The following PCDHGA11 variants were observed in gnomAD, a reference collection of about 807,000 sequenced individuals.
PCDHGA11 encodes the protein protocadherin gamma subfamily A, 11.
PCDHGA11 carries 39 observed loss-of-function variants against 60.4 expected under a neutral mutation model. The observed-to-expected ratio is 0.65, with a 90% confidence interval of 0.50 to 0.84. The LOEUF is 0.84. PCDHGA11 is among the 40% of genes least tolerant of loss of function. The probability of loss-of-function intolerance (pLI) is 0.00; values close to 1 mark genes in which losing one functional copy is unlikely to be tolerated. For synonymous variants in PCDHGA11, 533 were observed against 510.3 expected (o/e 1.04, Z -0.60); for missense variants, 1,165 against 1,197.7 (o/e 0.97, Z 0.40).
chr5:141,488,606 C>T (rs781116401), intron 1 of PCDHGA11, among the ~76,000 whole-genome samples: 2 of 152,156 alleles, frequency 1.3e-5, no homozygotes, highest in Admixed American at 1.3e-4. Flanking sequence ...TTACAAGGTT[C>T]TTACTAATCT....
chr5:141,489,314 G>T lies in PCDHGA11; in HGVS notation c.2434-5493G>T. ...TGCATGTTGTCCTTGTGCTGCTGGG[G>T]CTGGGTGTCTGGGCAGCTTCGTTAC... On this transcript the variant is annotated intron_variant, in intron 1 of 3. Transcript: ENST00000398587. This position sits in a 1 kb window ranked among gnomAD's most constrained non-coding sequence, Gnocchi z 4.5. 6.3e-7 allele frequency: 1 copy of T among 1,596,908 alleles called. No individual in the cohort carries two copies. The highest frequency in any genetic ancestry group is 8.5e-7 in the Non-Finnish European group (1 of 1,170,694).
chr5:141,431,973 TC>T lies in PCDHGA11; in HGVS notation c.2433+8314del, dbSNP rs770294598. 13 of 1,614,100 alleles carry T rather than the reference TC, an allele frequency of 8.1e-6. No individual in the cohort carries two copies. The highest frequency in any genetic ancestry group is 1.0e-5 in the Non-Finnish European group (12 of 1,180,038). On this transcript the variant is annotated intron_variant, in intron 1 of 3. Transcript: ENST00000398587. This position sits in a 1 kb window ranked among gnomAD's most constrained non-coding sequence, Gnocchi z 4.8. ...TCTTACGGAAATTACTATAGTTTAG[TC>T]ACAGACATAGTCTTGGATAGGGAAC...
At chr5:141,438,957 C>T (rs1292059651) in intron 1 of PCDHGA11, among the ~76,000 whole-genome samples, 1 of 152,026 alleles carries the variant, frequency 6.6e-6, no homozygotes, top group Non-Finnish European at 1.5e-5. Context: ...TGAGCCACCG[C>T]ACCCTGCCAA....
intron 1 of PCDHGA11, among the ~76,000 whole-genome samples, chr5:141,481,193 A>G (rs749746998): frequency 1.3e-5 from 2 of 152,216 alleles, no homozygotes; most frequent in Admixed American, 6.5e-5. Context: ...GCCAGGCCCA[A>G]TTTTTTTAAA....
At chr5:141,483,187 GTTT>G (rs899657161) in intron 1 of PCDHGA11, among the ~76,000 whole-genome samples, 2 of 152,172 alleles carry the variant, frequency 1.3e-5, no homozygotes, top group African/African-American at 4.8e-5. Flanking sequence ...AAGCCAAGGA[GTTT>G]TTATTTTATT....
At chr5:141,480,781 G>A (rs2099525581) in intron 1 of PCDHGA11, among the ~76,000 whole-genome samples, 1 of 152,174 alleles carries the variant, frequency 6.6e-6, no homozygotes, top group Admixed American at 6.5e-5. Flanking sequence ...CTAATGTGCA[G>A]ACAAATTTGA....
At position 141,431,495 on chromosome 5, in the gene PCDHGA11, G is replaced by A. The variant is rs557611439; in HGVS notation, c.2433+7835G>A. The A allele has an allele frequency of 4.3e-6, 7 of 1,613,864 alleles. No homozygotes were observed. The highest frequency in any genetic ancestry group is 1.1e-5 in the South Asian group (1 of 91,092). On this transcript the variant is annotated intron_variant, in intron 1 of 3. Coordinates refer to ENST00000398587, the MANE Select transcript of PCDHGA11 (RefSeq NM_018914.3). This position sits in a 1 kb window ranked among gnomAD's most constrained non-coding sequence, Gnocchi z 4.8. ...CAACGCACCAGCGTTTGCTCAGCCC[G>A]AGTACCGCGCGAGCGTTCCGGAGAA...
rs200900873 is a variant in PCDHGA11 at position 141,510,902 on chromosome 5, G to A, written c.2582-45G>A. On this transcript the variant is annotated intron_variant, in intron 3 of 3. Transcript: ENST00000398587. ...GGGGATATAAGACAGTGACTGTTGAGGACCCTAAGTTTAGCTCCCACCTGA... is the reference window on the plus strand; with the variant it reads ...GGGGATATAAGACAGTGACTGTTGAAGACCCTAAGTTTAGCTCCCACCTGA... The A allele has an allele frequency of 1.5e-3, 2,449 of 1,613,462 alleles. 7 individuals carry two copies. The highest frequency in any genetic ancestry group is 1.9e-3 in the Non-Finnish European group (2,206 of 1,179,758).
intron 1 of PCDHGA11, chr5:141,478,910 A>C (rs568573298): frequency 1.1e-6 from 1 of 893,688 alleles, no homozygotes; most frequent in Non-Finnish European, 1.6e-6. Context: ...AAGCTGCTGG[A>C]TACCTCTAAC....
Position 141,422,005 on chromosome 5 carries a change from A to T in PCDHGA11, c.778A>T (p.Thr260Ser). 1 of 1,609,814 alleles carries T rather than the reference A, an allele frequency of 6.2e-7. No individual in the cohort carries two copies. Among genetic ancestry groups the T allele is most frequent in the East Asian group, 2.2e-5 (1 of 44,846 alleles). The change falls in exon 1 of 4, where the codon ACT (threonine) becomes TCT (serine). Residue 260 changes from threonine (T) to serine (S), a missense_variant. By Grantham distance (58) the Thr-to-Ser change is moderately conservative. Coordinates refer to ENST00000398587, the MANE Select transcript of PCDHGA11 (RefSeq NM_018914.3). Reference protein sequence around the residue: ...VSVPENISSGTRVLMVNATDP... With the variant: ...VSVPENISSGSRVLMVNATDP... ...TGTTCCAGAAAACATCAGCTCCGGA[A>T]CTCGGGTGCTGATGGTTAATGCAAC...
rs747917835 is a variant in PCDHGA11 at position 141,487,659 on chromosome 5, AT to A, written c.2434-7147del. 3.7e-6 allele frequency: 6 copies of A among 1,613,466 alleles called. No homozygotes were observed. Among genetic ancestry groups the A allele is most frequent in the Non-Finnish European group, 5.1e-6 (6 of 1,179,716 alleles). On this transcript the variant is annotated intron_variant, in intron 1 of 3. Coordinates refer to ENST00000398587, the MANE Select transcript of PCDHGA11 (RefSeq NM_018914.3). This position sits in a 1 kb window ranked among gnomAD's most constrained non-coding sequence, Gnocchi z 5.0. ...CAACAAATGCTTGAGGGTTATTCTGATCCAGGCATATGGCTAGGCCATGTCC... is the reference window on the plus strand; with the variant it reads ...CAACAAATGCTTGAGGGTTATTCTGACCAGGCATATGGCTAGGCCATGTCC...
Position 141,487,622 on chromosome 5 carries a change from C to A in PCDHGA11, c.2434-7185C>A. 1 of 1,614,174 alleles carries A rather than the reference C, an allele frequency of 6.2e-7. No homozygotes were observed. Among genetic ancestry groups the A allele is most frequent in the Non-Finnish European group, 8.5e-7 (1 of 1,180,030 alleles). ...TCTTCTCTATGGGCTAGAGGTGAGACCTTTGCAGGCTCAACAAATGCTTGA... is the reference window on the plus strand; with the variant it reads ...TCTTCTCTATGGGCTAGAGGTGAGAACTTTGCAGGCTCAACAAATGCTTGA... On this transcript the variant is annotated intron_variant, in intron 1 of 3. Transcript: ENST00000398587. The surrounding 1 kb of genome is among the most constrained non-coding windows in gnomAD (Gnocchi z 5.0).
intron 1 of PCDHGA11, chr5:141,423,869 T>A (rs1239422805): frequency 5.4e-6 from 7 of 1,285,484 alleles, no homozygotes; most frequent in Non-Finnish European, 6.9e-6. Flanking sequence ...TGAAAGTCAT[T>A]TTTCAATCTT....
At chr5:141,423,880 G>A in intron 1 of PCDHGA11, 1 of 1,282,292 alleles carries the variant, frequency 7.8e-7, no homozygotes, top group Middle Eastern at 2.9e-4. Context: ...TTTCAATCTT[G>A]GCATATTTTC....
intron 1 of PCDHGA11, among the ~76,000 whole-genome samples, chr5:141,467,955 G>A (rs1049980375): frequency 2.0e-5 from 3 of 151,666 alleles, no homozygotes; most frequent in Non-Finnish European, 2.9e-5. Context: ...CACCACACCC[G>A]GCTGCCAGAA....
At chr5:141,507,807 A>AACGG (rs1465406594) in intron 3 of PCDHGA11, among the ~76,000 whole-genome samples, 2 of 152,152 alleles carry the variant, frequency 1.3e-5, no homozygotes, top group East Asian at 3.9e-4. Flanking sequence ...CGCCCTGGGG[A>AACGG]ACGGACCCTG....
intron 1 of PCDHGA11, among the ~76,000 whole-genome samples, chr5:141,459,098 A>G (rs993134478): frequency 2.0e-5 from 3 of 152,206 alleles, no homozygotes; most frequent in African/African-American, 7.2e-5. Flanking sequence ...ATACAGTGCA[A>G]TGCATTTTGA....
In PCDHGA11 at chr5:141,454,516, C is replaced by T. The variant is rs375583922; in HGVS notation, c.2433+30856C>T. On this transcript the variant is annotated intron_variant, in intron 1 of 3. Coordinates refer to ENST00000398587, the MANE Select transcript of PCDHGA11 (RefSeq NM_018914.3). Reference sequence around the variant, plus strand: ...CCACCTCCTGGATTCAGGCAGTTCTCCTGCCTCAGCCTCCCAAGTAGCTGA... The same window carrying T: ...CCACCTCCTGGATTCAGGCAGTTCTTCTGCCTCAGCCTCCCAAGTAGCTGA... Among the ~76,000 whole-genome samples the T allele has an allele frequency of 1.2e-4, 18 of 152,288 alleles. No individual in the cohort carries two copies. In the East Asian group the frequency reaches 3.1e-3, roughly 26 times the overall value.
rs116716465 is a variant in PCDHGA11, at chr5:141,484,286, C to T, written c.2434-10521C>T. ...GATTCTTTACTGTTTTGAAACATCTCCCTCTCCTGGCTTCCTCCACCCCGC... is the reference window on the plus strand; with the variant it reads ...GATTCTTTACTGTTTTGAAACATCTTCCTCTCCTGGCTTCCTCCACCCCGC... On this transcript the variant is annotated intron_variant, in intron 1 of 3. Coordinates refer to ENST00000398587, the MANE Select transcript of PCDHGA11 (RefSeq NM_018914.3). 8.3e-3 allele frequency among the ~76,000 whole-genome samples: 1,266 copies of T among 152,294 alleles called. 10 individuals carry two copies. The highest frequency in any genetic ancestry group is 0.014 in the Non-Finnish European group (936 of 68,022).
Sources: allele counts gnomAD v4.1 joint callset (sites outside exome capture counted in the v4.1 genomes callset), GRCh38; gene constraint gnomAD v4.1.1; non-coding constraint Gnocchi (gnomAD v3.1); transcripts MANE v1.5; gene names NCBI Gene and HGNC (gene_info 2026-07-23, HGNC 2026-07-21).